The following CPA6 variants were observed in gnomAD, a reference collection of about 807,000 sequenced individuals.
CPA6 encodes the protein carboxypeptidase B.
A neutral mutation model predicts 63.3 loss-of-function variants in CPA6; 58 were observed. The ratio of observed to expected loss-of-function variants is 0.92; its 90% CI spans 0.74 to 1.14. The LOEUF (loss-of-function observed/expected upper bound fraction) is 1.14. Among genes scored for constraint, CPA6 ranks in the 50% most tolerant of loss-of-function variants. The probability of loss-of-function intolerance (pLI) is 0.00; values close to 1 mark genes in which losing one functional copy is unlikely to be tolerated. For missense variants in CPA6, 565 were observed against 526.6 expected (o/e 1.07, Z -0.71); for synonymous variants, 185 against 179.0 (o/e 1.03, Z -0.27).
At chr8:67,492,910 T>C (rs1202889764) in intron 6 of CPA6, among the ~76,000 whole-genome samples, 1 of 152,134 alleles carries the variant, frequency 6.6e-6, no homozygotes, top group Non-Finnish European at 1.5e-5. Flanking sequence ...GGCTGGAAGA[T>C]GTGAAGAATG....
chr8:67,607,737 A>G (rs904344467), intron 2 of CPA6, among the ~76,000 whole-genome samples: 4 of 152,262 alleles, frequency 2.6e-5, no homozygotes, highest in Middle Eastern at 3.4e-3. Context: ...TCACTACATC[A>G]CACTGGTATC....
intron 2 of CPA6, among the ~76,000 whole-genome samples, chr8:67,546,517 T>G (rs568764283): frequency 6.2e-4 from 94 of 152,358 alleles, no homozygotes; most frequent in African/African-American, 2.1e-3. Flanking sequence ...ATCTTTATTA[T>G]GGCACTTTCA....
At chr8:67,615,667 G>C (rs987280970) in intron 2 of CPA6, among the ~76,000 whole-genome samples, 2 of 152,134 alleles carry the variant, frequency 1.3e-5, no homozygotes, top group African/African-American at 4.8e-5. Context: ...TCTTCCATCA[G>C]TGCCTCCATA....
intron 8 of CPA6, among the ~76,000 whole-genome samples, chr8:67,449,429 C>CT (rs1810506065): frequency 6.6e-6 from 1 of 152,150 alleles, no homozygotes; most frequent in African/African-American, 2.4e-5. Context: ...GTTTTATCAG[C>CT]TTTTTTGTCT....
At position 67,484,715 on chromosome 8, in the gene CPA6, C is replaced by T. The variant is rs1480462866; in HGVS notation, c.711G>A (p.Val237=). 7.5e-6 allele frequency: 12 copies of T among 1,609,554 alleles called. No homozygotes were observed. Among genetic ancestry groups the T allele is most frequent in the Non-Finnish European group, 1.0e-5 (12 of 1,176,270 alleles). The part of the protein sequence containing the change: ...LNHLYFYIMP[V]FNVDGYHFSW... The stretch of plus-strand genomic sequence containing the variant: ...TAAAATGGTATCCATCGACGTTAAA[C>T]ACAGGCATGATATAGAAATATAGAT... The change falls in exon 7 of 11, where the codon GTG becomes GTA. Residue 237 remains valine (V), a synonymous_variant. Coordinates refer to ENST00000297770, the MANE Select transcript of CPA6 (RefSeq NM_020361.5).
Position 67,435,284 on chromosome 8 carries a change from A to G in CPA6, c.839-1044T>C, listed in dbSNP as rs1371771000. Among the ~76,000 whole-genome samples, 6 of 152,082 alleles carry G rather than the reference A, an allele frequency of 3.9e-5. No individual in the cohort carries two copies. In the East Asian group the frequency reaches 1.2e-3, roughly 29 times the overall value. ...GTCCCTGCGGGGAAATCTTTTATGG[A>G]AGAAGGGCTGGACCCACTTTACCTG... On this transcript the variant is annotated intron_variant, in intron 8 of 10. Coordinates refer to ENST00000297770, the MANE Select transcript of CPA6 (RefSeq NM_020361.5).
At chr8:67,631,389 T>G (rs1201833644) in intron 1 of CPA6, among the ~76,000 whole-genome samples, 5 of 152,174 alleles carry the variant, frequency 3.3e-5, no homozygotes, top group African/African-American at 9.7e-5. Flanking sequence ...TAAAAGATTG[T>G]AAATGCACCA....
At chr8:67,705,083 C>T (rs186920564) in intron 1 of CPA6, among the ~76,000 whole-genome samples, 2 of 152,288 alleles carry the variant, frequency 1.3e-5, no homozygotes, top group Non-Finnish European at 1.5e-5. Context: ...CTCCAGGTTG[C>T]CCCAGAATAC....
intron 6 of CPA6, among the ~76,000 whole-genome samples, chr8:67,490,155 G>T (rs1190744744): frequency 6.6e-6 from 1 of 152,080 alleles, no homozygotes; most frequent in African/African-American, 2.4e-5. Context: ...TAAATAATAG[G>T]ACACAGATCA....
At chr8:67,519,275 A>G (rs1812212502) in intron 2 of CPA6, among the ~76,000 whole-genome samples, 1 of 152,158 alleles carries the variant, frequency 6.6e-6, no homozygotes, top group African/African-American at 2.4e-5. Flanking sequence ...CGAGAGCCCT[A>G]TCTCTGCAGG....
intron 2 of CPA6, among the ~76,000 whole-genome samples, chr8:67,576,944 C>A (rs1211750483): frequency 6.6e-6 from 1 of 151,516 alleles, no homozygotes. Flanking sequence ...CTCACTGCAA[C>A]CTTCCGCCTC....
rs908666139 is a variant in CPA6 at position 67,567,693 on chromosome 8, G to A, written c.193-49646C>T. On this transcript the variant is annotated intron_variant, in intron 2 of 10. Transcript: ENST00000297770. Reference sequence around the variant, plus strand: ...ATTGAATAAAAATCTACATTGAAAGGGCAGGATAATCAGTCTCACTTTGAC... The same window carrying A: ...ATTGAATAAAAATCTACATTGAAAGAGCAGGATAATCAGTCTCACTTTGAC... 2.6e-5 allele frequency among the ~76,000 whole-genome samples: 4 copies of A among 152,272 alleles called. No homozygotes were observed. In the South Asian group the frequency reaches 8.3e-4, roughly 32 times the overall value.
chr8:67,668,545 C>T (rs569761082), intron 1 of CPA6, among the ~76,000 whole-genome samples: 119 of 152,252 alleles, frequency 7.8e-4, no homozygotes, highest in Middle Eastern at 3.4e-3. Context: ...TTACTTATTT[C>T]AAAATTAATA....
intron 1 of CPA6, among the ~76,000 whole-genome samples, chr8:67,676,562 T>A (rs1429876953): frequency 2.0e-5 from 3 of 152,226 alleles, no homozygotes; most frequent in African/African-American, 4.8e-5. Flanking sequence ...AGCTTTCAAC[T>A]TGGACACTCA....
At chr8:67,498,446 G>A (rs943834156) in intron 6 of CPA6, among the ~76,000 whole-genome samples, 2 of 142,234 alleles carry the variant, frequency 1.4e-5, no homozygotes, top group African/African-American at 5.2e-5. Context: ...TGAGGCAGGA[G>A]TATTGCTTGA....
intron 2 of CPA6, among the ~76,000 whole-genome samples, chr8:67,532,938 C>T (rs773370256): frequency 6.6e-6 from 1 of 152,070 alleles, no homozygotes; most frequent in South Asian, 2.1e-4. Flanking sequence ...GTACAATAAA[C>T]GTCGTGGGTG....
intron 2 of CPA6, among the ~76,000 whole-genome samples, chr8:67,528,647 C>T (rs894660512): frequency 6.6e-6 from 1 of 152,028 alleles, no homozygotes; most frequent in Non-Finnish European, 1.5e-5. Flanking sequence ...AGCTTCTCTC[C>T]TTCCTCCACA....
intron 6 of CPA6, among the ~76,000 whole-genome samples, chr8:67,500,179 G>A (rs927012751): frequency 6.6e-5 from 10 of 152,086 alleles, no homozygotes; most frequent in African/African-American, 2.4e-4. Context: ...ATATATATCT[G>A]TAGATGTATA....
At chr8:67,662,887 A>C (rs1816148464) in intron 1 of CPA6, among the ~76,000 whole-genome samples, 1 of 152,162 alleles carries the variant, frequency 6.6e-6, no homozygotes, top group African/African-American at 2.4e-5. Context: ...GTTTCTTAAC[A>C]ACCTCAATTA....
Sources: gnomAD v4.1 joint callset for allele counts (sites outside exome capture counted in the v4.1 genomes callset) on GRCh38, gnomAD v4.1.1 for gene constraint, MANE v1.5 for transcripts, NCBI Gene and HGNC (gene_info 2026-07-23, HGNC 2026-07-21) for gene names.